Variants in SPATA16 observed in about 807,000 individuals in gnomAD.
The protein encoded by SPATA16 is spermatogenesis associated 16.
Under a neutral mutation model 63.3 loss-of-function variants are expected in SPATA16, and 36 were observed. That is an observed-to-expected ratio of 0.57 (90% CI 0.44 to 0.75). SPATA16 has a LOEUF of 0.75. Among genes scored for constraint, SPATA16 ranks in the 30% least tolerant of loss-of-function variants. The probability of loss-of-function intolerance (pLI) is 0.00; values close to 1 mark genes in which losing one functional copy is unlikely to be tolerated. For missense variants in SPATA16, 646 were observed against 679.3 expected (o/e 0.95, Z 0.54); for synonymous variants, 203 against 216.7 (o/e 0.94, Z 0.56).
At chr3:173,019,698 G>A (rs1002389394) in intron 3 of SPATA16, 123 bp from the exon 4 acceptor site, 1 of 868,098 alleles carries the variant, frequency 1.2e-6, no homozygotes, top group South Asian at 1.4e-5. Context: ...AGATACTAGT[G>A]AAAGGAGCCC....
intron 10 of SPATA16, among the ~76,000 whole-genome samples, chr3:172,901,269 G>A (rs752745973): frequency 4.6e-5 from 7 of 152,046 alleles, no homozygotes; most frequent in South Asian, 2.1e-4. Flanking sequence ...GCATGATCTC[G>A]CATCACTGCA....
intron 10 of SPATA16, among the ~76,000 whole-genome samples, chr3:172,892,556 A>G (rs146965629): frequency 1.2e-3 from 187 of 152,328 alleles, no homozygotes; most frequent in African/African-American, 4.4e-3. Context: ...TTTAGCTTCT[A>G]TACTTACTGA....
At chr3:173,020,331 A>G (rs1735297479) in intron 3 of SPATA16, among the ~76,000 whole-genome samples, 1 of 151,872 alleles carries the variant, frequency 6.6e-6, no homozygotes, top group South Asian at 2.1e-4. Flanking sequence ...TTTGGGTGAC[A>G]TGTTCATTTG....
intron 10 of SPATA16, among the ~76,000 whole-genome samples, chr3:172,904,673 T>C (rs140109716): frequency 9.4e-4 from 143 of 152,346 alleles, no homozygotes; most frequent in African/African-American, 3.3e-3. Flanking sequence ...CCTTATACTT[T>C]TCCCTGGAAG....
At chr3:173,071,561 T>G (rs1488213605) in intron 2 of SPATA16, among the ~76,000 whole-genome samples, 2 of 152,192 alleles carry the variant, frequency 1.3e-5, no homozygotes, top group African/African-American at 4.8e-5. Context: ...ACTACCCATC[T>G]TACAAGTAAT....
At chr3:172,927,900 T>A (rs562926582) in intron 6 of SPATA16, among the ~76,000 whole-genome samples, 8 of 151,990 alleles carry the variant, frequency 5.3e-5, no homozygotes, top group Non-Finnish European at 8.8e-5. Flanking sequence ...ATTAGATGCT[T>A]CTTCTTCTTT....
chr3:173,078,562 A>T (rs1021547337), intron 2 of SPATA16, among the ~76,000 whole-genome samples: 2 of 152,170 alleles, frequency 1.3e-5, no homozygotes, highest in African/African-American at 4.8e-5. Context: ...GATTCTGACC[A>T]TGCAAAATCG....
Position 172,903,872 on chromosome 3 carries a change from G to T in SPATA16, c.1587+9789C>A, listed in dbSNP as rs146998932. Among the ~76,000 whole-genome samples, 492 of 152,266 alleles carry T rather than the reference G, an allele frequency of 3.2e-3. 3 individuals are homozygous for T. The highest frequency in any genetic ancestry group is 0.011 in the African/African-American group (466 of 41,564). On this transcript the variant is annotated intron_variant, in intron 10 of 10. Coordinates refer to ENST00000351008, the MANE Select transcript of SPATA16 (RefSeq NM_031955.6). ...AGCTGTGACCTAGTGACAGACAAAG[G>T]ATTCCCTGCCAAAAAGAAGACTCAA...
rs3980195 is a variant in SPATA16 at position 173,100,660 on chromosome 3, G to GCACACA, written c.612+16454_612+16459dup. On this transcript the variant is annotated intron_variant, in intron 2 of 10. Transcript: ENST00000351008. ...ATTAAAAGCACAGATCACATAAACA[G>GCACACA]CACACACACACACACACACACACAC... is the stretch of plus-strand genomic sequence containing the variant. Among the ~76,000 whole-genome samples, 1,201 of 134,136 alleles carry GCACACA rather than the reference G, an allele frequency of 9.0e-3. 12 individuals are homozygous for GCACACA. The highest frequency in any genetic ancestry group is 0.015 in the Middle Eastern group (4 of 264). 88.0% of individuals were successfully genotyped at this position (134,136 alleles called of 152,430 possible). A position where few individuals can be genotyped will look rare whatever the true frequency, so the allele number is the denominator to read the frequency against.
chr3:172,932,278 T>C (rs1732888816), intron 6 of SPATA16, among the ~76,000 whole-genome samples: 1 of 152,220 alleles, frequency 6.6e-6, no homozygotes, highest in Admixed American at 6.5e-5. Flanking sequence ...TTTAGAAAGA[T>C]GCAGATTTGT....
At chr3:172,932,512 G>A (rs1278217892) in intron 6 of SPATA16, among the ~76,000 whole-genome samples, 2 of 151,966 alleles carry the variant, frequency 1.3e-5, no homozygotes, top group African/African-American at 4.8e-5. Flanking sequence ...CAGTACCTTC[G>A]TAATGCCAAC....
intron 4 of SPATA16, among the ~76,000 whole-genome samples, chr3:172,999,017 T>C (rs1186367093): frequency 6.6e-6 from 1 of 152,136 alleles, no homozygotes; most frequent in Non-Finnish European, 1.5e-5. Context: ...GTAATGTCTT[T>C]GTCTGGTTTT....
chr3:172,909,574 A>G (rs1356001497), intron 10 of SPATA16, among the ~76,000 whole-genome samples: 3 of 152,184 alleles, frequency 2.0e-5, no homozygotes, highest in Non-Finnish European at 4.4e-5. Flanking sequence ...CAACTACCTC[A>G]GTGATTAGTG....
rs140477899 is a variant in SPATA16 at position 173,004,813 on chromosome 3, C to T, written c.848+14673G>A. Reference sequence around the variant, plus strand: ...TGTCTCATTTAATCCTCATAACCTCCGTGACATAGACGCTATTATTATCTC... The same window carrying T: ...TGTCTCATTTAATCCTCATAACCTCTGTGACATAGACGCTATTATTATCTC... On this transcript the variant is annotated intron_variant, in intron 4 of 10. Transcript: ENST00000351008. Among the ~76,000 whole-genome samples, 201 of 152,244 alleles carry T rather than the reference C, an allele frequency of 1.3e-3. 1 individual carries two copies. The highest frequency in any genetic ancestry group is 3.8e-3 in the African/African-American group (157 of 41,534).
At chr3:172,987,896 G>A (rs1734491579) in intron 4 of SPATA16, among the ~76,000 whole-genome samples, 2 of 151,956 alleles carry the variant, frequency 1.3e-5, no homozygotes, top group Admixed American at 1.3e-4. Flanking sequence ...CAAGTCAAGG[G>A]GTGTGCTTCG....
chr3:173,057,514 G>T (rs1157196391), intron 2 of SPATA16, among the ~76,000 whole-genome samples: 3 of 152,092 alleles, frequency 2.0e-5, no homozygotes, highest in Non-Finnish European at 4.4e-5. Context: ...TCTTTCAGGA[G>T]AGTGCTTCAA....
At chr3:172,996,808 C>A (rs149245502) in intron 4 of SPATA16, among the ~76,000 whole-genome samples, 223 of 152,208 alleles carry the variant, frequency 1.5e-3, no homozygotes, top group Non-Finnish European at 2.4e-3. Flanking sequence ...CTCATCCCTC[C>A]CTCCTTCCTA....
intron 6 of SPATA16, among the ~76,000 whole-genome samples, chr3:172,950,874 A>C (rs11927908): frequency 2.0e-4 from 30 of 152,062 alleles, no homozygotes; most frequent in African/African-American, 7.2e-4. Context: ...TCTATTAAAC[A>C]TTACTAACCA....
chr3:172,960,762 ATTC>A (rs1347596297), intron 5 of SPATA16, among the ~76,000 whole-genome samples: 2 of 152,184 alleles, frequency 1.3e-5, no homozygotes, highest in African/African-American at 4.8e-5. Context: ...AAGAGGGCCG[ATTC>A]TTCTTGGTAA....
Sources: allele counts gnomAD v4.1 joint callset (sites outside exome capture counted in the v4.1 genomes callset), GRCh38; gene constraint gnomAD v4.1.1; transcripts MANE v1.5; gene names NCBI Gene and HGNC (gene_info 2026-07-23, HGNC 2026-07-21).